The following CCDC30 variants were observed in gnomAD, a reference collection of about 807,000 sequenced individuals.
CCDC30 encodes the protein coiled-coil domain-containing protein 30.
A neutral mutation model predicts 100.2 loss-of-function variants in CCDC30; 70 were observed. That is an observed-to-expected ratio of 0.70 (90% CI 0.58 to 0.85). The LOEUF (loss-of-function observed/expected upper bound fraction) is 0.85, where lower values mean the gene tolerates loss of function less well. Among genes scored for constraint, CCDC30 ranks in the 40% least tolerant of loss-of-function variants. CCDC30 has a pLI of 0.00. For missense variants in CCDC30, 652 were observed against 771.2 expected (o/e 0.85, Z 1.83); for synonymous variants, 233 against 269.5 (o/e 0.86, Z 1.33).
chr1:42,539,002 C>G (rs557277929), intron 6 of CCDC30, among the ~76,000 whole-genome samples, 171 bp from the exon 8 acceptor site: 42 of 152,260 alleles, frequency 2.8e-4, no homozygotes, highest in African/African-American at 9.9e-4. Context: ...TTTAGGTAAA[C>G]TTTGTTTTAA....
chr1:42,481,576 C>CAA lies in CCDC30; in HGVS notation c.15+1032_15+1033dup, dbSNP rs11312516. Among the ~76,000 whole-genome samples, 43 of 110,558 alleles carry CAA rather than the reference C, an allele frequency of 3.9e-4. 1 individual carries two copies. Among genetic ancestry groups the CAA allele is most frequent in the African/African-American group, 1.0e-3 (31 of 29,784 alleles). 72.5% of individuals were successfully genotyped at this position (110,558 alleles called of 152,430 possible). ...TGGGCGACAGAGCAAAACCCTGTCT[C>CAA]AAAAAAAAAAAAAAAAAAAAAAATC... is the stretch of plus-strand genomic sequence containing the variant. On this transcript the variant is annotated intron_variant, in intron 2 of 16. Coordinates refer to ENST00000668663, the Ensembl canonical transcript of CCDC30.
intron 9 of CCDC30, among the ~76,000 whole-genome samples, 198 bp downstream of exon 13, chr1:42,581,712 C>T (rs995914033): frequency 6.6e-6 from 1 of 152,248 alleles, no homozygotes; most frequent in African/African-American, 2.4e-5. Context: ...TTACCTCTGG[C>T]GCTAGAGTGT....
chr1:42,519,299 A>G (rs1045460932), intron 6 of CCDC30, among the ~76,000 whole-genome samples: 1 of 152,196 alleles, frequency 6.6e-6, no homozygotes, highest in African/African-American at 2.4e-5. Context: ...GTCCTCTTCA[A>G]ATGTGTTAAG....
chr1:42,463,526 C>T (rs1335059673), exon 1 of CCDC30: 1 of 152,326 alleles, frequency 6.6e-6, no homozygotes, highest in Non-Finnish European at 1.5e-5. Flanking sequence ...CTGGCCCGGC[C>T]TTTCTATTCC....
intron 8 of CCDC30, among the ~76,000 whole-genome samples, chr1:42,578,560 T>C (rs74068459): frequency 0.012 from 1,793 of 152,260 alleles, 29 homozygotes; most frequent in African/African-American, 0.042. Flanking sequence ...GTAAAATTGG[T>C]AAAGATTGGC....
At chr1:42,571,821 G>A (rs540804976) in intron 7 of CCDC30, among the ~76,000 whole-genome samples, 1 of 152,286 alleles carries the variant, frequency 6.6e-6, no homozygotes, top group South Asian at 2.1e-4. Context: ...GAGGAAATGA[G>A]GTTTCATAAG....
At chr1:42,569,676 T>C (rs12564499) in intron 7 of CCDC30, among the ~76,000 whole-genome samples, 20,633 of 152,178 alleles carry the variant, frequency 0.14, 1,537 homozygotes, top group East Asian at 0.17. Flanking sequence ...CACATGCACA[T>C]GTATGTTTAT....
chr1:42,476,784 C>A (rs1252145676), intron 1 of CCDC30, among the ~76,000 whole-genome samples: 1 of 150,262 alleles, frequency 6.7e-6, no homozygotes, highest in Non-Finnish European at 1.5e-5. Context: ...TTATTATTTT[C>A]TGTACTCAGC....
chr1:42,654,545 C>A (rs1194193353), downstream of CCDC30: 1 of 152,936 alleles, frequency 6.5e-6, no homozygotes, highest in Non-Finnish European at 1.5e-5. Flanking sequence ...AAAAATTAAC[C>A]GAGTGTGGTG....
At chr1:42,569,741 G>C (rs12565174) in intron 7 of CCDC30, among the ~76,000 whole-genome samples, 20,642 of 152,200 alleles carry the variant, frequency 0.14, 1,534 homozygotes, top group East Asian at 0.17. Flanking sequence ...GCCCATCAAT[G>C]ATAGACTGGA....
At chr1:42,497,328 G>A (rs892123535) in intron 5 of CCDC30, 115 bp downstream of exon 5, 58 of 474,978 alleles carry the variant, frequency 1.2e-4, no homozygotes, top group Non-Finnish European at 1.7e-4. Context: ...ACCAATACTG[G>A]TGGCTGTAAT....
intron 6 of CCDC30, among the ~76,000 whole-genome samples, chr1:42,523,614 G>T (rs1421870125): frequency 6.6e-6 from 1 of 152,068 alleles, no homozygotes; most frequent in East Asian, 1.9e-4. Flanking sequence ...CCTCTTGGTT[G>T]TTTGTATTCA....
rs758935861 is a variant in CCDC30 at position 42,589,585 on chromosome 1, C to A, written c.1164+102C>A. 9.8e-5 allele frequency: 99 copies of A among 1,009,316 alleles called. 1 individual carries two copies. Among genetic ancestry groups the A allele is most frequent in the Non-Finnish European group, 1.3e-4 (88 of 667,352 alleles). 62.5% of individuals were successfully genotyped at this position (1,009,316 alleles called of 1,614,324 possible). Reference sequence around the variant, plus strand: ...ACTTTACTAAACCTAATCCTTTAGTCAGGGTTCAGTCAGGAAAGTAGAATC... The same window carrying A: ...ACTTTACTAAACCTAATCCTTTAGTAAGGGTTCAGTCAGGAAAGTAGAATC... On this transcript the variant is annotated intron_variant, in intron 10 of 16. Transcript: ENST00000668663.
intron 6 of CCDC30, among the ~76,000 whole-genome samples, chr1:42,502,643 C>T (rs138457808): frequency 6.6e-6 from 1 of 152,282 alleles, no homozygotes; most frequent in East Asian, 1.9e-4. Flanking sequence ...TTTTATCCCC[C>T]AAGAGAGAAA....
chr1:42,635,141 C>T (rs541214040), intron 11 of CCDC30, among the ~76,000 whole-genome samples: 43 of 152,182 alleles, frequency 2.8e-4, no homozygotes, highest in African/African-American at 8.7e-4. Context: ...CTGCAACCTC[C>T]GCCTCCTGGG....
At chr1:42,556,373 T>G in intron 6 of CCDC30, 1 of 1,613,844 alleles carries the variant, frequency 6.2e-7, no homozygotes, top group East Asian at 2.2e-5. Context: ...GTCTCAGAGC[T>G]CTGGGGATAG....
chr1:42,503,519 G>T (rs2148482448), intron 6 of CCDC30, among the ~76,000 whole-genome samples: 1 of 152,262 alleles, frequency 6.6e-6, no homozygotes, highest in South Asian at 2.1e-4. Flanking sequence ...ATATGCAAAT[G>T]GGCTTTCTAC....
chr1:42,480,839 G>A (rs1207450828), intron 2 of CCDC30, among the ~76,000 whole-genome samples: 2 of 152,084 alleles, frequency 1.3e-5, no homozygotes, highest in Admixed American at 6.6e-5. Context: ...TAGATTCATG[G>A]CCAGATGTGG....
intron 15 of CCDC30, among the ~76,000 whole-genome samples, chr1:42,648,764 G>GT (rs200108809): frequency 6.3e-4 from 95 of 150,862 alleles, no homozygotes; most frequent in African/African-American, 1.7e-3. Flanking sequence ...AAAAAGTTGG[G>GT]TTTTTTTTTA....
Sources: allele counts gnomAD v4.1 joint callset (sites outside exome capture counted in the v4.1 genomes callset), GRCh38; gene constraint gnomAD v4.1.1; transcripts MANE v1.5; gene names NCBI Gene and HGNC (gene_info 2026-07-23, HGNC 2026-07-21).